Variants in ARHGEF12 observed in about 807,000 individuals in gnomAD.
ARHGEF12 encodes Rho guanine nucleotide exchange factor 12, also known as KMT2A/ARHGEF12 fusion protein.
ARHGEF12 carries 66 observed loss-of-function variants against 211.2 expected under a neutral mutation model. The ratio of observed to expected loss-of-function variants is 0.31; its 90% CI spans 0.26 to 0.38. The LOEUF is 0.38. ARHGEF12 is among the 10% of genes least tolerant of loss of function. ARHGEF12 has a pLI of 1.00. For synonymous variants in ARHGEF12, 592 were observed against 638.4 expected (o/e 0.93, Z 1.09); for missense variants, 1,429 against 1,869.5 (o/e 0.76, Z 4.34).
Position 120,486,513 on chromosome 11 carries a change from T to G in ARHGEF12, c.*1436T>G, listed in dbSNP as rs989100801. Reference sequence around the variant, plus strand: ...AGTTTCAGAATTGTAATTTGAGAACTCCTTCAATTATATTGACTTTCTTTG... The same window carrying G: ...AGTTTCAGAATTGTAATTTGAGAACGCCTTCAATTATATTGACTTTCTTTG... On this transcript the variant is annotated 3_prime_UTR_variant, in exon 41 of 41. Transcript: ENST00000397843. The G allele has an allele frequency of 1.7e-5, 4 of 229,586 alleles. No individual in the cohort carries two copies. Among genetic ancestry groups the G allele is most frequent in the Admixed American group, 1.7e-4 (3 of 17,660 alleles). The allele number at this position is 229,586 out of a possible 1,614,324, so 14.2% of individuals were successfully genotyped here.
chr11:120,412,736 C>T (rs1944923056), intron 4 of ARHGEF12, among the ~76,000 whole-genome samples: 1 of 152,180 alleles, frequency 6.6e-6, no homozygotes, highest in Non-Finnish European at 1.5e-5. Flanking sequence ...TCATTGTTCT[C>T]TACAGCTGGA....
Position 120,485,598 on chromosome 11 carries a change from G to C in ARHGEF12, c.*521G>C, listed in dbSNP as rs1021783261. ...TTGGGTAGAGAGGTTAAGAAGAGGA[G>C]GAAGTGAGACGGGGAAGGGAGGAGC... On this transcript the variant is annotated 3_prime_UTR_variant, in exon 41 of 41. Coordinates refer to ENST00000397843, the MANE Select transcript of ARHGEF12 (RefSeq NM_015313.3). 1 of 235,702 alleles carries C rather than the reference G, an allele frequency of 4.2e-6. No individual in the cohort carries two copies. The allele number at this position is 235,702 out of a possible 1,614,324, so 14.6% of individuals were successfully genotyped here.
intron 4 of ARHGEF12, among the ~76,000 whole-genome samples, chr11:120,416,066 A>T (rs1387495215): frequency 2.6e-5 from 4 of 152,134 alleles, no homozygotes; most frequent in Non-Finnish European, 5.9e-5. Flanking sequence ...GACTGTTATG[A>T]ATTGGAGATA....
At chr11:120,409,562 T>C in intron 4 of ARHGEF12, 112 bp downstream of exon 4, 6 of 1,052,068 alleles carry the variant, frequency 5.7e-6, no homozygotes, top group Non-Finnish European at 7.0e-6. Context: ...CAGCCTTTCT[T>C]GTGTCTGCTG....
At chr11:120,480,455 T>C (rs1206470577) in intron 38 of ARHGEF12, 25 bp downstream of exon 38, 2 of 1,567,140 alleles carry the variant, frequency 1.3e-6, no homozygotes. Context: ...CACTTAAACT[T>C]TGATTTTGAT....
At chr11:120,413,227 G>C (rs1269397746) in intron 4 of ARHGEF12, among the ~76,000 whole-genome samples, 1 of 152,082 alleles carries the variant, frequency 6.6e-6, no homozygotes, top group Non-Finnish European at 1.5e-5. Flanking sequence ...CATTTCTGTT[G>C]TCTTGAGTGA....
chr11:120,416,192 C>T (rs977299072), intron 4 of ARHGEF12, among the ~76,000 whole-genome samples: 27 of 152,036 alleles, frequency 1.8e-4, no homozygotes, highest in Admixed American at 1.0e-3. Context: ...TTTTTCTCTC[C>T]GATGACCTCC....
intron 16 of ARHGEF12, among the ~76,000 whole-genome samples, 166 bp from the exon 17 acceptor site, chr11:120,446,237 T>TAATAATAATAAAAAA (rs1435691305): frequency 1.4e-5 from 2 of 142,596 alleles, no homozygotes; most frequent in South Asian, 4.5e-4. Context: ...ATAATAATAA[T>TAATAATAATAAAAAA]AGAGTAAATG....
chr11:120,370,370 A>G (rs1591511082), intron 1 of ARHGEF12, among the ~76,000 whole-genome samples: 1 of 152,246 alleles, frequency 6.6e-6, no homozygotes, highest in East Asian at 1.9e-4. Context: ...CCGACACCAA[A>G]CTGTTCAGAT....
rs1176607222 is a variant in ARHGEF12 at position 120,465,212 on chromosome 11, T to G, written c.2614-25T>G. The stretch of plus-strand genomic sequence containing the variant: ...ATAAGCTCAGTTTCCCATTCTCTTT[T>G]GTGTTCTTTGCATTCTTGGCACAGT... On this transcript the variant is annotated intron_variant, in intron 27 of 40. Transcript: ENST00000397843. 2.5e-6 allele frequency: 4 copies of G among 1,613,460 alleles called. No individual in the cohort carries two copies. The East Asian group carries it at 8.9e-5, about 36-fold the overall frequency.
intron 1 of ARHGEF12, among the ~76,000 whole-genome samples, chr11:120,380,876 T>C (rs899354273): frequency 2.6e-5 from 4 of 152,248 alleles, no homozygotes; most frequent in Non-Finnish European, 5.9e-5. Context: ...TGAGTTCTAA[T>C]GCTAGGTTTC....
rs7948550 is a variant in ARHGEF12, at chr11:120,385,877, T to A, written c.33-20241T>A. On this transcript the variant is annotated intron_variant, in intron 1 of 40. Coordinates refer to ENST00000397843, the MANE Select transcript of ARHGEF12 (RefSeq NM_015313.3). ...AGACTTTGACGTATTATTCTGTGAA[T>A]TGTGATTTAATTATCTCATGCTTCA... Among the ~76,000 whole-genome samples the A allele has an allele frequency of 1.9e-3, 286 of 152,308 alleles. 1 individual carries two copies. The highest frequency in any genetic ancestry group is 6.7e-3 in the African/African-American group (278 of 41,578).
chr11:120,423,761 ATATATT>A (rs1295556246), intron 6 of ARHGEF12, among the ~76,000 whole-genome samples: 1 of 152,050 alleles, frequency 6.6e-6, no homozygotes, highest in Non-Finnish European at 1.5e-5. Context: ...TTTTACACTG[ATATATT>A]TGTATTTTAG....
chr11:120,462,876 T>C (rs1362551637), intron 27 of ARHGEF12: 5 of 152,224 alleles, frequency 3.3e-5, no homozygotes, highest in Non-Finnish European at 7.3e-5. Flanking sequence ...TAATACACAT[T>C]CAATAGAAAC....
At chr11:120,421,743 C>T in intron 5 of ARHGEF12, 60 bp from the exon 6 acceptor site, 1 of 1,485,128 alleles carries the variant, frequency 6.7e-7, no homozygotes, top group Non-Finnish European at 9.4e-7. Context: ...GTCTCTCTGT[C>T]AGGAAGATGA....
At chr11:120,371,810 C>G (rs1393727090) in intron 1 of ARHGEF12, among the ~76,000 whole-genome samples, 1 of 152,094 alleles carries the variant, frequency 6.6e-6, no homozygotes, top group African/African-American at 2.4e-5. Context: ...TGAGACAAAC[C>G]TAATTTTACT....
chr11:120,488,747 A>G lies in ARHGEF12; in HGVS notation c.*3670A>G, dbSNP rs561475517. 4.6e-6 allele frequency: 1 copy of G among 215,844 alleles called. No individual in the cohort carries two copies. The highest frequency in any genetic ancestry group is 9.4e-6 in the Non-Finnish European group (1 of 106,756). 13.4% of individuals were successfully genotyped at this position (215,844 alleles called of 1,614,324 possible). ...TTTTATTTTCCTTGTTCACCATACA[A>G]TCATGTACTCTTTAACAGAAATTGC... On this transcript the variant is annotated 3_prime_UTR_variant, in exon 41 of 41. Coordinates refer to ENST00000397843, the MANE Select transcript of ARHGEF12 (RefSeq NM_015313.3).
At chr11:120,457,052 T>C in intron 22 of ARHGEF12, 66 bp from the exon 23 acceptor site, 1 of 1,536,866 alleles carries the variant, frequency 6.5e-7, no homozygotes, top group South Asian at 1.2e-5. Flanking sequence ...GGGAACTAAT[T>C]TTTTTTGGTG....
At chr11:120,470,174 CAAGT>C (rs1464245560) in intron 30 of ARHGEF12, among the ~76,000 whole-genome samples, 1 of 152,090 alleles carries the variant, frequency 6.6e-6, no homozygotes, top group African/African-American at 2.4e-5. Context: ...TCAGCATAGA[CAAGT>C]AAGAATATAG....
Sources: gnomAD v4.1 joint callset for allele counts (sites outside exome capture counted in the v4.1 genomes callset) on GRCh38, gnomAD v4.1.1 for gene constraint, MANE v1.5 for transcripts, NCBI Gene and HGNC (gene_info 2026-07-23, HGNC 2026-07-21) for gene names.